Variants in ARFGEF2 observed in about 807,000 individuals in gnomAD.
ARFGEF2 encodes the protein brefeldin A-inhibited guanine nucleotide-exchange protein 2.
In ARFGEF2, 74 loss-of-function variants were observed where a neutral mutation model predicts 219.9. The observed-to-expected ratio is 0.34, with a 90% CI of 0.28 to 0.41. The LOEUF is 0.41. Ranked by LOEUF, ARFGEF2 falls within the 10% of genes least tolerant of loss-of-function variation. The pLI, the probability that ARFGEF2 is intolerant of heterozygous loss-of-function variation, is 1.00. For missense variants in ARFGEF2, 1,743 were observed against 2,218.3 expected (o/e 0.79, Z 4.30); for synonymous variants, 733 against 799.2 (o/e 0.92, Z 1.40).
chr20:48,985,544 C>A lies in ARFGEF2; in HGVS notation c.2207C>A (p.Pro736His). Reference sequence around the variant, plus strand: ...ACATTCCTAGAAGGTTTCCGCCTACCTGGAGAAGCCCAAAAGATTGACCGA... The same window carrying A: ...ACATTCCTAGAAGGTTTCCGCCTACATGGAGAAGCCCAAAAGATTGACCGA... ...LRTFLEGFRLPGEAQKIDRLM... is the reference protein window; with the variant it reads ...LRTFLEGFRLHGEAQKIDRLM... Residue 736 changes from proline (P) to histidine (H), a missense_variant, in exon 16 of 39, where the codon CCT becomes CAT. Around this residue, in one of 5 missense-constraint regions of ARFGEF2, gnomAD observed 666 missense variants for 955.4 expected, o/e 0.70. Transcript: ENST00000371917. The A allele has an allele frequency of 6.2e-7, 1 of 1,614,180 alleles. No homozygotes were observed. Among genetic ancestry groups the A allele is most frequent in the Non-Finnish European group, 8.5e-7 (1 of 1,180,050 alleles).
chr20:49,019,548 C>A (rs1313564432), intron 34 of ARFGEF2, among the ~76,000 whole-genome samples: 2 of 152,154 alleles, frequency 1.3e-5, no homozygotes, highest in African/African-American at 4.8e-5. Flanking sequence ...CATTGAATAA[C>A]CCAATACATA....
rs1568723465 is a variant in ARFGEF2 at position 48,988,299 on chromosome 20, T to C, written c.2277-5T>C. 1 of 1,612,512 alleles carries C rather than the reference T, an allele frequency of 6.2e-7. No individual in the cohort carries two copies. Among genetic ancestry groups the C allele is most frequent in the Admixed American group, 1.7e-5 (1 of 60,012 alleles). ...AATATTGATGTCTCGAATTTTTTTC[T>C]CCAGGCAAACTCTGTTTGCTAGTGC... On this transcript the variant is annotated splice_region_variant and splice_polypyrimidine_tract_variant and intron_variant, in intron 16 of 38. Transcript: ENST00000371917.
At chr20:49,027,018 G>A (rs375145173) in intron 36 of ARFGEF2, among the ~76,000 whole-genome samples, 4 of 152,010 alleles carry the variant, frequency 2.6e-5, no homozygotes, top group East Asian at 3.9e-4. Flanking sequence ...TGTGAGAGTC[G>A]TTTGCATATC....
chr20:48,929,564 C>G (rs1403899133), intron 1 of ARFGEF2, among the ~76,000 whole-genome samples: 1 of 152,016 alleles, frequency 6.6e-6, no homozygotes, highest in Non-Finnish European at 1.5e-5. Flanking sequence ...TAATAACAAC[C>G]CGAGAAGTAC....
At position 49,017,153 on chromosome 20, in the gene ARFGEF2, G is replaced by A. The variant is rs925353286; in HGVS notation, c.4316-96G>A. ...TAATTAAAAGCCTAGAAACTCACCA[G>A]TTGCTGTCTCCAACTCACAATATAC... On this transcript the variant is annotated intron_variant, in intron 31 of 38. Transcript: ENST00000371917. 8.9e-5 allele frequency: 113 copies of A among 1,267,098 alleles called. No homozygotes were observed. In the African/African-American group the frequency reaches 1.6e-3, roughly 18 times the overall value. The allele number at this position is 1,267,098 out of a possible 1,614,324, so 78.5% of individuals were successfully genotyped here.
chr20:48,936,324 C>A (rs576445346), intron 1 of ARFGEF2, among the ~76,000 whole-genome samples: 1 of 147,904 alleles, frequency 6.8e-6, no homozygotes, highest in Non-Finnish European at 1.5e-5. Context: ...CCCTCCCGGA[C>A]GGGGCGGCTG....
At chr20:49,001,397 G>A (rs1167798814) in intron 25 of ARFGEF2, among the ~76,000 whole-genome samples, 43 of 152,118 alleles carry the variant, frequency 2.8e-4, no homozygotes, top group Admixed American at 2.8e-3. Flanking sequence ...TTCCCATTGT[G>A]AACTGGGGCA....
intron 1 of ARFGEF2, among the ~76,000 whole-genome samples, chr20:48,923,860 G>C (rs2123255733): frequency 6.6e-6 from 1 of 152,326 alleles, no homozygotes; most frequent in Non-Finnish European, 1.5e-5. Flanking sequence ...GAATTTAATA[G>C]ATATTTTCGG....
intron 1 of ARFGEF2, among the ~76,000 whole-genome samples, chr20:48,928,137 G>C (rs1385439789): frequency 6.6e-6 from 1 of 151,154 alleles, no homozygotes; most frequent in African/African-American, 2.4e-5. Flanking sequence ...AACTGGCACA[G>C]TACCTGGCAC....
chr20:48,973,760 C>T (rs1027822936), intron 12 of ARFGEF2, among the ~76,000 whole-genome samples: 78 of 152,184 alleles, frequency 5.1e-4, no homozygotes, highest in African/African-American at 1.7e-3. Flanking sequence ...AGAGGGTCTC[C>T]GAGCTCCCTG....
At chr20:48,943,941 T>G (rs2123324741) in intron 3 of ARFGEF2, among the ~76,000 whole-genome samples, 1 of 152,312 alleles carries the variant, frequency 6.6e-6, no homozygotes, top group South Asian at 2.1e-4. Context: ...TGTGATTGAT[T>G]GGTTTTATCT....
intron 8 of ARFGEF2, 25 bp downstream of exon 8, chr20:48,966,048 G>C (rs2091185097): frequency 6.2e-7 from 1 of 1,613,620 alleles, no homozygotes; most frequent in South Asian, 1.1e-5. Context: ...ATCCTCTGTG[G>C]ACTTATTGCC....
chr20:48,925,585 C>T (rs1351052782), intron 1 of ARFGEF2, among the ~76,000 whole-genome samples: 2 of 151,990 alleles, frequency 1.3e-5, no homozygotes. Flanking sequence ...CCTGTAATTC[C>T]AGCGCTTTAG....
At chr20:49,016,941 A>G (rs2091534544) in intron 31 of ARFGEF2, among the ~76,000 whole-genome samples, 1 of 152,218 alleles carries the variant, frequency 6.6e-6, no homozygotes, top group African/African-American at 2.4e-5. Context: ...TGTATGAGTG[A>G]CTAAATTTTT....
At chr20:48,922,076 T>A (rs2079332623) in intron 1 of ARFGEF2, 66 bp downstream of exon 1, 4 of 1,523,152 alleles carry the variant, frequency 2.6e-6, no homozygotes, top group Non-Finnish European at 3.5e-6. Flanking sequence ...CCTATCCTAC[T>A]CGGCCTTGGC....
At position 48,994,556 on chromosome 20, in the gene ARFGEF2, G is replaced by T. The variant is rs775271126; in HGVS notation, c.3079G>T (p.Gly1027Cys). Residue 1027 changes from glycine to cysteine, a missense_variant, in exon 22 of 39, where the codon GGC becomes TGC. Transcript: ENST00000371917. Reference sequence around the variant, plus strand: ...GCGTGAAAGAGAAGGGAGCCTGAAGGGCCACACATTGGCAGGAGAAGAGTT... The same window carrying T: ...GCGTGAAAGAGAAGGGAGCCTGAAGTGCCACACATTGGCAGGAGAAGAGTT... ...SGREREGSLKGHTLAGEEFMG... is the reference protein window; with the variant it reads ...SGREREGSLKCHTLAGEEFMG... The T allele has an allele frequency of 6.8e-6, 11 of 1,614,106 alleles. No individual in the cohort carries two copies. The highest frequency in any genetic ancestry group is 1.6e-4 in the Middle Eastern group (1 of 6,062).
chr20:49,026,584 CTT>C (rs540361594), intron 36 of ARFGEF2, among the ~76,000 whole-genome samples: 10 of 131,510 alleles, frequency 7.6e-5, no homozygotes, highest in Non-Finnish European at 8.2e-5. Context: ...TTTACCATTA[CTT>C]TTTTTTTTTT....
chr20:48,945,221 A>G (rs535499049), intron 3 of ARFGEF2, among the ~76,000 whole-genome samples: 22 of 152,282 alleles, frequency 1.4e-4, no homozygotes, highest in African/African-American at 4.3e-4. Context: ...TACAAATTTT[A>G]GGGGGACACA....
chr20:48,956,860 G>A (rs538973582), intron 6 of ARFGEF2, among the ~76,000 whole-genome samples: 19 of 152,288 alleles, frequency 1.2e-4, no homozygotes, highest in African/African-American at 4.3e-4. Context: ...GATTACAGGC[G>A]TGAGCCACCA....
Sources: allele counts gnomAD v4.1 joint callset (sites outside exome capture counted in the v4.1 genomes callset), GRCh38; gene constraint gnomAD v4.1.1; regional missense constraint gnomAD v4.1.1; transcripts MANE v1.5; gene names NCBI Gene and HGNC (gene_info 2026-07-23, HGNC 2026-07-21).